The following SLC24A2 variants were observed in gnomAD, a reference collection of about 807,000 sequenced individuals.
SLC24A2 encodes the protein sodium/potassium/calcium exchanger 2.
In SLC24A2, 36 loss-of-function variants were observed where a neutral mutation model predicts 62.0. The ratio of observed to expected loss-of-function variants is 0.58; its 90% CI spans 0.44 to 0.77. SLC24A2 has a LOEUF of 0.77. Ranked by LOEUF, SLC24A2 falls within the 30% of genes least tolerant of loss-of-function variation. SLC24A2 has a pLI of 0.00. For synonymous variants in SLC24A2, 358 were observed against 294.0 expected (o/e 1.22, Z -2.23); for missense variants, 846 against 817.9 (o/e 1.03, Z -0.42).
chr9:19,942,138 C>G, the SLC24A2 span, among the ~76,000 whole-genome samples: 1 of 152,118 alleles, frequency 6.6e-6, no homozygotes, highest in African/African-American at 2.4e-5. Flanking sequence ...TTTGTCAACC[C>G]TCTGAGAAAC....
chr9:19,908,112 G>A, the SLC24A2 span, among the ~76,000 whole-genome samples: 1 of 152,190 alleles, frequency 6.6e-6, no homozygotes, highest in African/African-American at 2.4e-5. Context: ...CACCAAAACA[G>A]CATGGTACTG....
At chr9:19,703,248 C>A (rs1564050795) in intron 2 of SLC24A2, among the ~76,000 whole-genome samples, 1 of 152,184 alleles carries the variant, frequency 6.6e-6, no homozygotes, top group Non-Finnish European at 1.5e-5. Context: ...ATCCATTTTA[C>A]AGATGATAAA....
the SLC24A2 span, among the ~76,000 whole-genome samples, chr9:19,884,150 C>G: frequency 6.6e-6 from 1 of 152,300 alleles, no homozygotes; most frequent in Non-Finnish European, 1.5e-5. Flanking sequence ...TCAATGCATC[C>G]AGTCTAGAAA....
At chr9:19,581,401 G>A (rs2132863306) in intron 5 of SLC24A2, among the ~76,000 whole-genome samples, 1 of 152,176 alleles carries the variant, frequency 6.6e-6, no homozygotes, top group Non-Finnish European at 1.5e-5. Context: ...GCAGCAAAAT[G>A]GATTTGCTCA....
the SLC24A2 span, among the ~76,000 whole-genome samples, chr9:19,955,888 A>G: frequency 1.3e-5 from 2 of 152,256 alleles, no homozygotes; most frequent in Admixed American, 1.3e-4. Context: ...AAACCAGTAC[A>G]CTAAATTTTC....
chr9:19,924,527 T>G, the SLC24A2 span, among the ~76,000 whole-genome samples: 9 of 152,174 alleles, frequency 5.9e-5, no homozygotes, highest in Admixed American at 5.2e-4. Flanking sequence ...GTGGGATCAG[T>G]GCTTCCAGAT....
the SLC24A2 span, among the ~76,000 whole-genome samples, chr9:19,948,452 G>C: frequency 6.6e-6 from 1 of 152,172 alleles, no homozygotes; most frequent in African/African-American, 2.4e-5. Context: ...TCCAGTTAGA[G>C]AAAAACGAAA....
the SLC24A2 span, among the ~76,000 whole-genome samples, chr9:20,259,360 T>C: frequency 5.3e-5 from 8 of 152,224 alleles, no homozygotes; most frequent in South Asian, 2.1e-4. Context: ...ATAACCATTT[T>C]GATAAAATCA....
the SLC24A2 span, among the ~76,000 whole-genome samples, chr9:20,017,866 G>A: frequency 2.0e-5 from 3 of 152,244 alleles, no homozygotes; most frequent in Middle Eastern, 3.4e-3. Flanking sequence ...GTTGAGGGTG[G>A]GTCTGCCTCT....
chr9:19,895,758 GTCCCA>G, the SLC24A2 span: 13 of 1,540,700 alleles, frequency 8.4e-6, no homozygotes, highest in Non-Finnish European at 1.1e-5. Context: ...GGGCGGCCCA[GTCCCA>G]CCCTCCATCT....
chr9:19,515,081 T>C lies in SLC24A2; in HGVS notation c.*1072A>G, dbSNP rs145590726. 6.6e-6 allele frequency: 1 copy of C among 152,306 alleles called. No homozygotes were observed. The highest frequency in any genetic ancestry group is 2.4e-5 in the African/African-American group (1 of 41,574). 9.4% of individuals were successfully genotyped at this position (152,306 alleles called of 1,614,324 possible). ...CTTGGCAGCCCTTAGCATCAAAATATATCTACATGACAATCACAGCTAAAC... is the reference window on the plus strand; with the variant it reads ...CTTGGCAGCCCTTAGCATCAAAATACATCTACATGACAATCACAGCTAAAC... On this transcript the variant is annotated 3_prime_UTR_variant, in exon 11 of 11. Transcript: ENST00000341998.
chr9:19,868,781 G>A, the SLC24A2 span, among the ~76,000 whole-genome samples: 8 of 151,512 alleles, frequency 5.3e-5, no homozygotes, highest in African/African-American at 1.9e-4. Flanking sequence ...TACTAATTTA[G>A]CAACTCTAGC....
chr9:19,907,221 A>G, the SLC24A2 span, among the ~76,000 whole-genome samples: 1 of 152,364 alleles, frequency 6.6e-6, no homozygotes, highest in African/African-American at 2.4e-5. Flanking sequence ...ACCAATGACA[A>G]AAACCATATG....
chr9:19,706,356 C>T (rs1022982553), intron 2 of SLC24A2, among the ~76,000 whole-genome samples: 2 of 150,376 alleles, frequency 1.3e-5, no homozygotes, highest in African/African-American at 2.4e-5. Context: ...TTCCTGAACA[C>T]AGCACACTGA....
intron 4 of SLC24A2, among the ~76,000 whole-genome samples, chr9:19,598,147 T>G (rs1453708515): frequency 6.6e-6 from 1 of 152,238 alleles, no homozygotes; most frequent in Non-Finnish European, 1.5e-5. Flanking sequence ...ACTTTTATCC[T>G]TGTTTGTCTG....
the SLC24A2 span, among the ~76,000 whole-genome samples, chr9:20,010,482 A>G: frequency 1.1e-4 from 16 of 152,326 alleles, no homozygotes; most frequent in African/African-American, 2.9e-4. Context: ...ATAAAAAAAT[A>G]TGGATACAAA....
At chr9:20,095,521 C>T in the SLC24A2 span, among the ~76,000 whole-genome samples, 10,418 of 152,152 alleles carry the variant, frequency 0.068, 678 homozygotes, top group East Asian at 0.32. Context: ...ACTTTCTCCA[C>T]GTGAGAGAAA....
chr9:19,647,078 A>G (rs1048393562), intron 2 of SLC24A2, among the ~76,000 whole-genome samples: 1 of 149,836 alleles, frequency 6.7e-6, no homozygotes, highest in East Asian at 2.0e-4. Context: ...GCACACACAC[A>G]CACACACACA....
chr9:20,194,813 A>G, the SLC24A2 span, among the ~76,000 whole-genome samples: 2 of 152,024 alleles, frequency 1.3e-5, no homozygotes, highest in African/African-American at 4.8e-5. Context: ...CAAGTAAAAC[A>G]GCACCATTGA....
Sources: allele counts gnomAD v4.1 joint callset (sites outside exome capture counted in the v4.1 genomes callset), GRCh38; gene constraint gnomAD v4.1.1; transcripts MANE v1.5; gene names NCBI Gene and HGNC (gene_info 2026-07-23, HGNC 2026-07-21).